Variants in CFAP61 observed in about 807,000 individuals in gnomAD.
The protein encoded by CFAP61 is cilia- and flagella-associated protein 61.
A neutral mutation model predicts 135.6 loss-of-function variants in CFAP61; 107 were observed. The ratio of observed to expected loss-of-function variants is 0.79; its 90% CI spans 0.67 to 0.93. The LOEUF (loss-of-function observed/expected upper bound fraction) is 0.93, where lower values mean the gene tolerates loss of function less well. Ranked by LOEUF, CFAP61 falls within the 40% of genes least tolerant of loss-of-function variation. CFAP61 has a pLI of 0.00. For missense variants in CFAP61, 1,507 were observed against 1,556.2 expected, an observed-to-expected ratio of 0.97 and a Z score of 0.53; for synonymous variants, 575 against 578.5, an observed-to-expected ratio of 0.99 and a Z score of 0.09.
chr20:20,191,817 C>T (rs2055943787), intron 15 of CFAP61, among the ~76,000 whole-genome samples: 1 of 151,752 alleles, frequency 6.6e-6, no homozygotes, highest in Admixed American at 6.6e-5. Context: ...ATGGAAATGC[C>T]ATTTTATTTT....
chr20:20,070,434 C>G (rs1193702013), intron 2 of CFAP61, among the ~76,000 whole-genome samples: 2 of 152,040 alleles, frequency 1.3e-5, no homozygotes, highest in Admixed American at 1.3e-4. Flanking sequence ...TTTTTTAATG[C>G]CATGAAAGTC....
intron 26 of CFAP61, among the ~76,000 whole-genome samples, chr20:20,358,238 A>G (rs2059345067): frequency 7.5e-6 from 1 of 133,978 alleles, no homozygotes. Context: ...CACTGAGGGG[A>G]AGTGGTCACA....
intron 16 of CFAP61, 58 bp from the exon 17 acceptor site, chr20:20,199,710 A>G: frequency 6.2e-7 from 1 of 1,602,320 alleles, no homozygotes; most frequent in Non-Finnish European, 8.5e-7. Context: ...GTACGCAGAC[A>G]TCTGTGCTGA....
At chr20:20,165,989 C>T (rs953845670) in intron 11 of CFAP61, among the ~76,000 whole-genome samples, 1 of 151,822 alleles carries the variant, frequency 6.6e-6, no homozygotes, top group Admixed American at 6.6e-5. Flanking sequence ...ATTTGATGAC[C>T]CAGTGTGGTT....
intron 26 of CFAP61, among the ~76,000 whole-genome samples, chr20:20,358,397 G>T (rs2059353422): frequency 6.6e-6 from 1 of 152,152 alleles, no homozygotes; most frequent in African/African-American, 2.4e-5. Flanking sequence ...TTTAAAAGTG[G>T]TTTTACGCTA....
intron 8 of CFAP61, among the ~76,000 whole-genome samples, chr20:20,129,607 AT>A (rs1261220335): frequency 1.4e-5 from 2 of 146,118 alleles, no homozygotes; most frequent in Admixed American, 6.8e-5. Flanking sequence ...TCTTTCTCAA[AT>A]TTTGGAAAGT....
At chr20:20,083,393 G>A (rs941650405) in intron 6 of CFAP61, among the ~76,000 whole-genome samples, 21 of 152,062 alleles carry the variant, frequency 1.4e-4, no homozygotes, top group Non-Finnish European at 4.4e-5. Flanking sequence ...TGGGTACAGT[G>A]TACACTGCTC....
intron 8 of CFAP61, among the ~76,000 whole-genome samples, chr20:20,130,294 TA>T (rs35009424): frequency 9.5e-5 from 14 of 148,040 alleles, no homozygotes; most frequent in East Asian, 3.9e-4. Flanking sequence ...GTCTCAGAAA[TA>T]AAAAAAAAAG....
intron 20 of CFAP61, chr20:20,253,437 C>A: frequency 3.5e-6 from 1 of 289,260 alleles, no homozygotes; most frequent in African/African-American, 2.3e-5. Flanking sequence ...GCAGAGCTCA[C>A]ACATGGGTTA....
intron 9 of CFAP61, among the ~76,000 whole-genome samples, chr20:20,151,408 G>A (rs916955946): frequency 1.3e-4 from 19 of 151,672 alleles, no homozygotes; most frequent in Non-Finnish European, 1.8e-4. Flanking sequence ...TATGTTAAAC[G>A]GCCAAACCTA....
At chr20:20,070,020 A>C (rs2045592618) in intron 2 of CFAP61, 4 of 278,658 alleles carry the variant, frequency 1.4e-5, no homozygotes, top group African/African-American at 8.8e-5. Context: ...TTTATGCACA[A>C]ATGGTTCTTG....
intron 16 of CFAP61, among the ~76,000 whole-genome samples, chr20:20,199,347 A>G (rs2056480263): frequency 6.6e-6 from 1 of 152,178 alleles, no homozygotes; most frequent in Admixed American, 6.5e-5. Flanking sequence ...TACCCCTTGG[A>G]TGACATTTTT....
rs142189443 is a variant in CFAP61 at position 20,269,117 on chromosome 20, CTATATATATATATATA to C, written c.2503+6002_2503+6017del. Among the ~76,000 whole-genome samples the C allele has an allele frequency of 2.6e-4, 27 of 104,568 alleles. 1 individual carries two copies. The highest frequency in any genetic ancestry group is 6.2e-4 in the African/African-American group (18 of 28,952). The allele number at this position is 104,568 out of a possible 152,430, so 68.6% of individuals were successfully genotyped here. A position where few individuals can be genotyped will look rare whatever the true frequency, so the allele number is the denominator to read the frequency against. ...CGCATTGTCTGGTTCTATTCGTGGG[CTATATATATATATATA>C]TATATATATATATACACACACACAC... On this transcript the variant is annotated intron_variant, in intron 21 of 26. Transcript: ENST00000245957.
At chr20:20,088,546 G>A (rs1290783364) in intron 6 of CFAP61, among the ~76,000 whole-genome samples, 1 of 152,068 alleles carries the variant, frequency 6.6e-6, no homozygotes, top group Non-Finnish European at 1.5e-5. Context: ...TAGCATGGGG[G>A]CAGTCACCCC....
At chr20:20,225,902 G>A (rs1210317421) in intron 17 of CFAP61, 2 of 152,212 alleles carry the variant, frequency 1.3e-5, no homozygotes, top group Non-Finnish European at 2.9e-5. Flanking sequence ...AGGTGAACCA[G>A]TAGGAACTAG....
In CFAP61 at chr20:20,065,073, A is replaced by C. The variant is rs1436974719; in HGVS notation, c.144-5781A>C. Among the ~76,000 whole-genome samples the C allele has an allele frequency of 2.0e-5, 3 of 152,308 alleles. No homozygotes were observed. In the South Asian group the frequency reaches 6.2e-4, roughly 32 times the overall value. On this transcript the variant is annotated intron_variant, in intron 2 of 26. Transcript: ENST00000245957. ...CGGCTTTGTGAGGAAAGGATGTGCC[A>C]CTCAATAAATGGTGCTGGGAGTGTT...
intron 25 of CFAP61, among the ~76,000 whole-genome samples, chr20:20,319,031 G>A (rs2057295777): frequency 6.6e-6 from 1 of 152,346 alleles, no homozygotes; most frequent in East Asian, 1.9e-4. Context: ...AGGAGCCGGA[G>A]AAGACAAAAC....
chr20:20,251,044 A>G (rs752994309), intron 19 of CFAP61, among the ~76,000 whole-genome samples: 2 of 152,198 alleles, frequency 1.3e-5, no homozygotes, highest in African/African-American at 2.4e-5. Flanking sequence ...TAATTGCTAT[A>G]TTCTTGAAGT....
intron 17 of CFAP61, among the ~76,000 whole-genome samples, chr20:20,223,768 C>T (rs2048551267): frequency 6.6e-6 from 1 of 152,142 alleles, no homozygotes; most frequent in Non-Finnish European, 1.5e-5. Context: ...GTGCCTAAAA[C>T]TCAAAACTGT....
Sources: gnomAD v4.1 joint callset for allele counts (sites outside exome capture counted in the v4.1 genomes callset) on GRCh38, gnomAD v4.1.1 for gene constraint, MANE v1.5 for transcripts, NCBI Gene and HGNC (gene_info 2026-07-23, HGNC 2026-07-21) for gene names.